Variants in CCDC91 observed in about 807,000 individuals in gnomAD.
CCDC91 encodes coiled-coil domain containing 91.
A neutral mutation model predicts 63.2 loss-of-function variants in CCDC91; 48 were observed. That is an observed-to-expected ratio of 0.76 (90% CI 0.60 to 0.97). CCDC91 has a LOEUF of 0.97. CCDC91 is among the 50% of genes least tolerant of loss of function. CCDC91 has a pLI of 0.00. For missense variants in CCDC91, 500 were observed against 494.6 expected (o/e 1.01, Z -0.10); for synonymous variants, 167 against 165.8 (o/e 1.01, Z -0.06).
In CCDC91 at chr12:28,244,494, C is replaced by CTTTTTT. The variant is rs3064681; in HGVS notation, c.-14-12681_-14-12676dup. Among the ~76,000 whole-genome samples the CTTTTTT allele has an allele frequency of 5.4e-3, 208 of 38,424 alleles. 52 individuals carry two copies. Among genetic ancestry groups the CTTTTTT allele is most frequent in the African/African-American group, 0.02 (173 of 8,604 alleles). The allele number at this position is 38,424 out of a possible 152,430, so 25.2% of individuals were successfully genotyped here. On this transcript the variant is annotated intron_variant, in intron 1 of 12. Transcript: ENST00000536442. ...GAAACTTGGACAATGTAGAAGAAGG[C>CTTTTTT]TTTTTTTTTTTTTTTTTTTTTTTTT...
At chr12:28,445,334 G>A (rs1387661551) in intron 8 of CCDC91, among the ~76,000 whole-genome samples, 2 of 152,030 alleles carry the variant, frequency 1.3e-5, no homozygotes, top group African/African-American at 2.4e-5. Context: ...AAAAACCCCA[G>A]ATCAGTAAAA....
intron 12 of CCDC91, among the ~76,000 whole-genome samples, chr12:28,539,003 A>G (rs890855332): frequency 6.6e-5 from 10 of 152,154 alleles, no homozygotes; most frequent in African/African-American, 9.6e-5. Context: ...GATGCTGGAT[A>G]TTAGCCCTTT....
At chr12:28,221,588 G>C (rs1394632092) in intron 1 of CCDC91, among the ~76,000 whole-genome samples, 1 of 152,146 alleles carries the variant, frequency 6.6e-6, no homozygotes, top group East Asian at 1.9e-4. Flanking sequence ...AGATTTGTTA[G>C]CATGGCTCCA....
intron 1 of CCDC91, among the ~76,000 whole-genome samples, chr12:28,200,940 G>T (rs1262959442): frequency 6.7e-6 from 1 of 148,174 alleles, no homozygotes; most frequent in East Asian, 2.0e-4. Flanking sequence ...GGGGCGGCTG[G>T]CCGGGCAGGG....
intron 11 of CCDC91, among the ~76,000 whole-genome samples, chr12:28,479,419 A>C (rs1951315106): frequency 6.6e-6 from 1 of 152,062 alleles, no homozygotes; most frequent in Admixed American, 6.6e-5. Context: ...AACAATGAGA[A>C]CATTTGGACA....
At chr12:28,194,562 C>T (rs564648053) in intron 1 of CCDC91, among the ~76,000 whole-genome samples, 22 of 152,082 alleles carry the variant, frequency 1.4e-4, no homozygotes, top group Non-Finnish European at 2.6e-4. Flanking sequence ...TTAAAGGTGG[C>T]GCATCCGAAA....
chr12:28,461,584 T>C (rs1950313259), intron 11 of CCDC91, among the ~76,000 whole-genome samples: 1 of 152,098 alleles, frequency 6.6e-6, no homozygotes, highest in African/African-American at 2.4e-5. Context: ...TTTTCTAAAT[T>C]TCAGGGTATA....
chr12:28,311,030 T>C (rs1274788672), intron 6 of CCDC91, among the ~76,000 whole-genome samples: 1 of 152,064 alleles, frequency 6.6e-6, no homozygotes, highest in East Asian at 1.9e-4. Context: ...TTGGATCTTA[T>C]TTAAATCTTG....
intron 7 of CCDC91, among the ~76,000 whole-genome samples, chr12:28,363,174 T>A (rs751324724): frequency 6.6e-6 from 1 of 152,126 alleles, no homozygotes; most frequent in Non-Finnish European, 1.5e-5. Context: ...GTAACCAGTA[T>A]TGGCAGTTCC....
At chr12:28,381,231 G>A (rs578089220) in intron 7 of CCDC91, among the ~76,000 whole-genome samples, 3 of 152,114 alleles carry the variant, frequency 2.0e-5, no homozygotes, top group African/African-American at 7.2e-5. Flanking sequence ...TGTCTGTTTT[G>A]TTTCTGATTG....
In CCDC91 at chr12:28,250,953, AGTGTGTGTGTGTGTGT is replaced by A. The variant is rs3064712; in HGVS notation, c.-14-6228_-14-6213del. 3.7e-4 allele frequency among the ~76,000 whole-genome samples: 54 copies of A among 145,548 alleles called. 1 individual carries two copies. The East Asian group carries it at 0.01, about 28-fold the overall frequency. ...TTTCTATTTTTAACTTTAAGGTTTG[AGTGTGTGTGTGTGTGT>A]GTGTGTGTGTGTGTGTGTGTATTTC... On this transcript the variant is annotated intron_variant, in intron 1 of 12. Transcript: ENST00000536442.
intron 3 of CCDC91, among the ~76,000 whole-genome samples, chr12:28,289,196 G>A (rs1949073693): frequency 6.6e-6 from 1 of 151,600 alleles, no homozygotes. Context: ...TCAGCTCTGA[G>A]TTTGGTTATT....
rs754560332 is a variant in CCDC91 at position 28,522,268 on chromosome 12, C to T, written c.1216-26795C>T. ...TTTCAGAGCCTGTTATTGGTCTATT[C>T]GGGGATTCAACTTCTTCCTGGTTTA... is the stretch of plus-strand genomic sequence containing the variant. On this transcript the variant is annotated intron_variant, in intron 12 of 12. Transcript: ENST00000536442. Among the ~76,000 whole-genome samples the T allele has an allele frequency of 3.3e-5, 5 of 152,076 alleles. No individual in the cohort carries two copies. In the South Asian group the frequency reaches 6.2e-4, roughly 19 times the overall value.
intron 3 of CCDC91, among the ~76,000 whole-genome samples, chr12:28,261,394 T>C (rs1320559317): frequency 6.6e-6 from 1 of 151,664 alleles, no homozygotes; most frequent in Non-Finnish European, 1.5e-5. Flanking sequence ...TGTTTAAAGG[T>C]GTGGAATAGG....
chr12:28,308,250 A>G (rs1057106069), intron 6 of CCDC91, among the ~76,000 whole-genome samples: 8 of 152,016 alleles, frequency 5.3e-5, no homozygotes, highest in African/African-American at 1.2e-4. Context: ...CTGTTTCTTT[A>G]GCAGGATTTG....
At chr12:28,197,494 G>A (rs1221750110) in intron 1 of CCDC91, among the ~76,000 whole-genome samples, 1 of 151,972 alleles carries the variant, frequency 6.6e-6, no homozygotes, top group Non-Finnish European at 1.5e-5. Context: ...AATTCCAACT[G>A]CTACTTTTTG....
At chr12:28,279,938 TATG>T (rs1948494525) in intron 3 of CCDC91, among the ~76,000 whole-genome samples, 1 of 152,134 alleles carries the variant, frequency 6.6e-6, no homozygotes, top group South Asian at 2.1e-4. Flanking sequence ...TGGTCTAAAA[TATG>T]ATAACATCAT....
Position 28,447,345 on chromosome 12 carries a change from A to G in CCDC91, c.763-2816A>G, listed in dbSNP as rs141233907. Reference sequence around the variant, plus strand: ...AAATTCATTATATAAAATATTGAATAAACAGCTCTCCAGAAGGATGTTTGC... The same window carrying G: ...AAATTCATTATATAAAATATTGAATGAACAGCTCTCCAGAAGGATGTTTGC... On this transcript the variant is annotated intron_variant, in intron 8 of 12. Transcript: ENST00000536442. 3.2e-3 allele frequency among the ~76,000 whole-genome samples: 489 copies of G among 152,142 alleles called. 4 individuals carry two copies. The highest frequency in any genetic ancestry group is 0.011 in the African/African-American group (457 of 41,514).
chr12:28,271,318 T>G (rs1365511603), intron 3 of CCDC91, among the ~76,000 whole-genome samples: 2 of 152,134 alleles, frequency 1.3e-5, no homozygotes, highest in African/African-American at 2.4e-5. Context: ...GATCATTATT[T>G]TCTATTGTCT....
Sources: allele counts gnomAD v4.1 joint callset (sites outside exome capture counted in the v4.1 genomes callset), GRCh38; gene constraint gnomAD v4.1.1; transcripts MANE v1.5; gene names NCBI Gene and HGNC (gene_info 2026-07-23, HGNC 2026-07-21).